NLRP7: variants seen among roughly 807,000 people sequenced by gnomAD.
The protein encoded by NLRP7 is NACHT, LRR and PYD domains-containing protein 7.
In NLRP7, 72 loss-of-function variants were observed where a neutral mutation model predicts 85.5. The observed-to-expected ratio is 0.84, with a 90% CI of 0.70 to 1.02. The LOEUF (loss-of-function observed/expected upper bound fraction) is 1.02, where lower values mean the gene tolerates loss of function less well. NLRP7 is among the 50% of genes least tolerant of loss of function. The pLI is 0.00. For missense variants in NLRP7, 1,243 were observed against 1,219.5 expected (o/e 1.02, Z -0.29); for synonymous variants, 550 against 505.2 (o/e 1.09, Z -1.19).
At chr19:54,930,115 CAAAAAA>C (rs34446838) in intron 9 of NLRP7, among the ~76,000 whole-genome samples, 1 of 100,564 alleles carries the variant, frequency 9.9e-6, no homozygotes, top group African/African-American at 3.7e-5. Context: ...GGCTCCGTCT[CAAAAAA>C]AAAAAAAAAA....
chr19:54,933,632 T>TC lies in NLRP7; in HGVS notation c.2578dup (p.Asp860GlyfsTer9). 1 of 1,614,172 alleles carries TC rather than the reference T, an allele frequency of 6.2e-7. No individual in the cohort carries two copies. The highest frequency in any genetic ancestry group is 8.5e-7 in the Non-Finnish European group (1 of 1,180,006). ...CTCACACAGAAACTTCACCCCTGTA[T>TC]CCCCAATGGGGTTCTTGGCCAAGCA... On this transcript the variant is annotated frameshift_variant, in exon 8 of 10. Coordinates refer to ENST00000340844, the Ensembl canonical transcript of NLRP7. LOFTEE classifies it high-confidence loss of function.
chr19:54,959,285 C>T (rs1167407421), intron 1 of NLRP7, among the ~76,000 whole-genome samples: 3 of 141,756 alleles, frequency 2.1e-5, no homozygotes, highest in African/African-American at 5.3e-5. Flanking sequence ...ATTACAGGCG[C>T]ACGCCACCAT....
intron 9 of NLRP7, 24 bp from the exon 11 acceptor site, chr19:54,923,896 T>C: frequency 6.2e-7 from 1 of 1,609,646 alleles, no homozygotes; most frequent in Admixed American, 1.7e-5. Context: ...AGAACACAAA[T>C]GTTCCCAGAA....
upstream of NLRP7, among the ~76,000 whole-genome samples, chr19:54,950,706 A>G (rs1253690949): frequency 6.6e-6 from 1 of 150,616 alleles, no homozygotes; most frequent in Non-Finnish European, 1.5e-5. Context: ...GGAATATACA[A>G]TCGGGGTTTA....
chr19:54,947,420 C>T lies in NLRP7; in HGVS notation c.-40+49G>A, dbSNP rs538691794. On this transcript the variant is annotated intron_variant, in intron 1 of 9. Transcript: ENST00000340844. ...GTGGAAACTCAACCAATAGCTTCTT[C>T]TCCCTTAAACGAGAAGACAAAGAAA... 6.9e-5 allele frequency: 87 copies of T among 1,259,998 alleles called. 2 individuals carry two copies. The South Asian group carries it at 1.0e-3, about 15-fold the overall frequency. The allele number at this position is 1,259,998 out of a possible 1,614,324, so 78.1% of individuals were successfully genotyped here. A position where few individuals can be genotyped will look rare whatever the true frequency, so the allele number is the denominator to read the frequency against.
At chr19:54,939,654 T>C (rs2069121952) in exon 4 of NLRP7, 1 of 1,611,664 alleles carries the variant, frequency 6.2e-7, no homozygotes, top group African/African-American at 1.3e-5. Context: ...CCCGTGCGGG[T>C]GAGGCAGGTG....
Position 54,938,845 on chromosome 19 carries a change from G to A in NLRP7, c.1931+43C>T, listed in dbSNP as rs104895532. On this transcript the variant is annotated intron_variant, in intron 4 of 9. Transcript: ENST00000340844. ...TAAGCGACAGGGCAAAGGAGACGCTGGCCTCTTCCTAGTGGAGCGTGGGAT... is the reference window on the plus strand; with the variant it reads ...TAAGCGACAGGGCAAAGGAGACGCTAGCCTCTTCCTAGTGGAGCGTGGGAT... The A allele has an allele frequency of 8.1e-6, 13 of 1,606,836 alleles. No individual in the cohort carries two copies. In the African/African-American group the frequency reaches 1.7e-4, roughly 21 times the overall value.
chr19:54,934,354 A>T lies in NLRP7; in HGVS notation c.2471+135T>A, dbSNP rs915912535. The T allele has an allele frequency of 3.6e-5, 32 of 887,806 alleles. No individual in the cohort carries two copies. The highest frequency in any genetic ancestry group is 4.9e-4 in the Middle Eastern group (2 of 4,122). 55.0% of individuals were successfully genotyped at this position (887,806 alleles called of 1,614,324 possible). A position where few individuals can be genotyped will look rare whatever the true frequency, so the allele number is the denominator to read the frequency against. ...TCTGCTGAGATTACAGGCAGGAGCC[A>T]CCGTGCCGGGCCTGAAGCAGGTGTT... On this transcript the variant is annotated intron_variant, in intron 7 of 9. Transcript: ENST00000340844. The surrounding 1 kb of genome is among the most constrained non-coding windows in gnomAD (Gnocchi z 6.7).
At chr19:54,926,079 T>C (rs1400449024) in intron 9 of NLRP7, among the ~76,000 whole-genome samples, 2 of 150,794 alleles carry the variant, frequency 1.3e-5, no homozygotes, top group Non-Finnish European at 1.5e-5. Flanking sequence ...AAATAAAAAA[T>C]ACAAATAAGT....
At chr19:54,939,321 C>CGTCCCCGAT (rs1355122676) in exon 4 of NLRP7, 1 of 1,614,020 alleles carries the variant, frequency 6.2e-7, no homozygotes, top group Non-Finnish European at 8.5e-7. Flanking sequence ...AGCTTCTGTA[C>CGTCCCCGAT]GTCCCCGATG....
intron 1 of NLRP7, among the ~76,000 whole-genome samples, chr19:54,964,821 A>AT (rs1374320673): frequency 7.8e-6 from 1 of 129,030 alleles, no homozygotes; most frequent in Non-Finnish European, 1.7e-5. Flanking sequence ...GCAAGACTCC[A>AT]TTAAAAATAA....
intron 1 of NLRP7, among the ~76,000 whole-genome samples, chr19:54,956,469 C>T (rs1382102034): frequency 6.6e-6 from 1 of 152,042 alleles, no homozygotes; most frequent in Non-Finnish European, 1.5e-5. Flanking sequence ...GCAGGCGGAT[C>T]ACTTGAGGTC....
chr19:54,943,122 G>A (rs1351861273), intron 1 of NLRP7, among the ~76,000 whole-genome samples: 1 of 151,712 alleles, frequency 6.6e-6, no homozygotes, highest in Admixed American at 6.6e-5. Context: ...ACTCCAGCCT[G>A]GGCAACAAGA....
In NLRP7 at chr19:54,927,591, C is replaced by CA. The variant is rs747304811; in HGVS notation, c.2810+2907dup. The stretch of plus-strand genomic sequence containing the variant: ...AAACAAAAAACAAAACAAAACAAAA[C>CA]AAAAAACCCATACCTGAGTATCTTC... On this transcript the variant is annotated intron_variant, in intron 9 of 9. Transcript: ENST00000340844. The CA allele has an allele frequency of 6.2e-7, 1 of 1,612,650 alleles. No individual in the cohort carries two copies. The highest frequency in any genetic ancestry group is 8.5e-7 in the Non-Finnish European group (1 of 1,179,258).
At chr19:54,936,990 G>A (rs569019150) in intron 5 of NLRP7, among the ~76,000 whole-genome samples, 12 of 151,488 alleles carry the variant, frequency 7.9e-5, no homozygotes, top group African/African-American at 1.2e-4. Flanking sequence ...AGGCCGAGGC[G>A]GGTGGATCAC....
intron 1 of NLRP7, among the ~76,000 whole-genome samples, chr19:54,947,015 T>G (rs114175142): frequency 0.025 from 3,873 of 152,114 alleles, 176 homozygotes; most frequent in African/African-American, 0.088. Context: ...CTCTAAACTA[T>G]ATTTGAATAG....
intron 9 of NLRP7, 30 bp downstream of exon 9, chr19:54,930,465 AAAAG>A (rs779764432): frequency 5.8e-5 from 87 of 1,507,678 alleles, no homozygotes; most frequent in African/African-American, 4.9e-4. Flanking sequence ...CTGTCTCAAA[AAAAG>A]AAAGAAAGAA....
chr19:54,955,026 T>C (rs2069805878), intron 1 of NLRP7, among the ~76,000 whole-genome samples: 1 of 138,320 alleles, frequency 7.2e-6, no homozygotes, highest in Non-Finnish European at 1.6e-5. Context: ...CCTTACTTGC[T>C]TTTAAAAAAT....
In NLRP7 at chr19:54,939,958, C is replaced by A. The variant is rs919320478; in HGVS notation, c.861G>T (p.Leu287=). 5 of 1,614,056 alleles carry A rather than the reference C, an allele frequency of 3.1e-6. No individual in the cohort carries two copies. Among genetic ancestry groups the A allele is most frequent in the Non-Finnish European group, 4.2e-6 (5 of 1,180,046 alleles). The change falls in exon 4 of 10, where the codon CTG becomes CTT. Residue 287 remains leucine, a synonymous_variant. Coordinates refer to ENST00000340844, the Ensembl canonical transcript of NLRP7. ...CTGCCCTGGGTAACATCTTCCTCTT[C>A]AGCAAACTCCCCAGGAGGACGGGCA... is the stretch of plus-strand genomic sequence containing the variant.
Sources: gnomAD v4.1 joint callset for allele counts (sites outside exome capture counted in the v4.1 genomes callset) on GRCh38, gnomAD v4.1.1 for gene constraint, Gnocchi (gnomAD v3.1) non-coding constraint, MANE v1.5 for transcripts, NCBI Gene and HGNC (gene_info 2026-07-23, HGNC 2026-07-21) for gene names.